The following GALNT13 variants were observed in gnomAD, a reference collection of about 807,000 sequenced individuals.
GALNT13 encodes the protein UDP-GalNAc:polypeptide N-acetylgalactosaminyltransferase 13.
In GALNT13, 28 loss-of-function variants were observed where a neutral mutation model predicts 64.2. That is an observed-to-expected ratio of 0.44 (90% CI 0.32 to 0.60). The LOEUF is 0.60. Ranked by LOEUF, GALNT13 falls within the 20% of genes least tolerant of loss-of-function variation. The pLI is 0.05. For missense variants in GALNT13, 577 were observed against 669.8 expected, an observed-to-expected ratio of 0.86 and a Z score of 1.53; for synonymous variants, 214 against 224.6, an observed-to-expected ratio of 0.95 and a Z score of 0.42.
the GALNT13 span, among the ~76,000 whole-genome samples, chr2:153,738,030 GCT>G: frequency 6.6e-6 from 1 of 151,586 alleles, no homozygotes; most frequent in South Asian, 2.1e-4. Flanking sequence ...TATCTCTCTT[GCT>G]CTGTTTTGTT....
chr2:154,367,288 A>T (rs1309398963), intron 9 of GALNT13, among the ~76,000 whole-genome samples: 1 of 152,138 alleles, frequency 6.6e-6, no homozygotes, highest in Non-Finnish European at 1.5e-5. Context: ...ATGGATGATA[A>T]CTTTGTCAAT....
chr2:154,384,790 T>C (rs1248301820), intron 9 of GALNT13, among the ~76,000 whole-genome samples: 1 of 151,954 alleles, frequency 6.6e-6, no homozygotes, highest in Non-Finnish European at 1.5e-5. Context: ...AAAATCATGA[T>C]TCAGTATTAT....
chr2:154,288,291 A>G (rs1692394291), intron 8 of GALNT13, among the ~76,000 whole-genome samples: 1 of 152,008 alleles, frequency 6.6e-6, no homozygotes, highest in South Asian at 2.1e-4. Flanking sequence ...TCCTCCCACA[A>G]CATGTGGGAA....
intron 11 of GALNT13, chr2:154,435,961 A>G (rs1700947089): frequency 6.6e-6 from 1 of 152,182 alleles, no homozygotes; most frequent in Admixed American, 6.5e-5. Context: ...TCCAGATAAA[A>G]TCAAGAAGGA....
chr2:154,079,358 T>TCAATCTAG (rs1191112554), intron 3 of GALNT13, among the ~76,000 whole-genome samples: 1 of 151,690 alleles, frequency 6.6e-6, no homozygotes, highest in Non-Finnish European at 1.5e-5. Flanking sequence ...AGCTGGCCTT[T>TCAATCTAG]CAATCTAGAC....
chr2:153,315,215 T>C, the GALNT13 span, among the ~76,000 whole-genome samples: 1 of 152,196 alleles, frequency 6.6e-6, no homozygotes, highest in Non-Finnish European at 1.5e-5. Flanking sequence ...CAAAATCTAA[T>C]AGACATGGTG....
At chr2:153,312,258 G>A in the GALNT13 span, among the ~76,000 whole-genome samples, 1 of 152,220 alleles carries the variant, frequency 6.6e-6, no homozygotes, top group Non-Finnish European at 1.5e-5. Flanking sequence ...TGAGAAGAAT[G>A]TAGACTGGGC....
chr2:153,654,489 T>C, the GALNT13 span, among the ~76,000 whole-genome samples: 1 of 152,090 alleles, frequency 6.6e-6, no homozygotes, highest in Admixed American at 6.6e-5. Flanking sequence ...GTATTTATAG[T>C]ATACAAAAAT....
chr2:153,843,687 A>G, the GALNT13 span, among the ~76,000 whole-genome samples: 1 of 152,212 alleles, frequency 6.6e-6, no homozygotes, highest in Non-Finnish European at 1.5e-5. Flanking sequence ...TCTTCCACCT[A>G]TAAGCCTGAA....
At chr2:153,899,757 C>T (rs977001029) in intron 1 of GALNT13, among the ~76,000 whole-genome samples, 12 of 151,942 alleles carry the variant, frequency 7.9e-5, no homozygotes, top group African/African-American at 2.7e-4. Context: ...TGCTTAGTAC[C>T]ATCAAGACCC....
At chr2:154,390,973 A>G (rs1254428782) in intron 9 of GALNT13, among the ~76,000 whole-genome samples, 1 of 152,206 alleles carries the variant, frequency 6.6e-6, no homozygotes, top group Non-Finnish European at 1.5e-5. Context: ...AGTGCCTAGA[A>G]AAGTCCCTTG....
At chr2:154,365,481 C>A (rs748422857) in intron 9 of GALNT13, among the ~76,000 whole-genome samples, 51 of 152,052 alleles carry the variant, frequency 3.4e-4, no homozygotes, top group Non-Finnish European at 6.3e-4. Flanking sequence ...ATAAAAAGTT[C>A]CACAATTTCA....
chr2:153,334,645 G>T, the GALNT13 span, among the ~76,000 whole-genome samples: 13 of 151,928 alleles, frequency 8.6e-5, no homozygotes, highest in African/African-American at 3.1e-4. Context: ...GAATTTAGTT[G>T]CCTTTAAGAT....
At chr2:153,277,927 C>CTTTTTTTTTTTT in the GALNT13 span, among the ~76,000 whole-genome samples, 46 of 80,096 alleles carry the variant, frequency 5.7e-4, 1 homozygote, top group African/African-American at 8.8e-4. Context: ...TCTTTTCTTT[C>CTTTTTTTTTTTT]TTTTTTTTTT....
At chr2:153,096,598 C>G in the GALNT13 span, among the ~76,000 whole-genome samples, 1 of 152,062 alleles carries the variant, frequency 6.6e-6, no homozygotes, top group Non-Finnish European at 1.5e-5. Context: ...GAATTGACTC[C>G]TTTATTAGTG....
chr2:154,395,243 T>G (rs1280191273), intron 9 of GALNT13, among the ~76,000 whole-genome samples: 2 of 152,196 alleles, frequency 1.3e-5, no homozygotes, highest in East Asian at 1.9e-4. Context: ...GTCGTAAAAT[T>G]TTTTATAAAA....
chr2:153,595,873 A>G, the GALNT13 span, among the ~76,000 whole-genome samples: 2 of 152,214 alleles, frequency 1.3e-5, no homozygotes, highest in African/African-American at 4.8e-5. Context: ...TGTACCAAAC[A>G]ATATATTTAG....
At chr2:154,449,221 C>G (rs1701746677) in intron 12 of GALNT13, among the ~76,000 whole-genome samples, 1 of 151,858 alleles carries the variant, frequency 6.6e-6, no homozygotes, top group African/African-American at 2.4e-5. Context: ...TTGCCTTGCT[C>G]TTTTAATTTC....
chr2:153,472,724 T>C, the GALNT13 span, among the ~76,000 whole-genome samples: 2 of 152,146 alleles, frequency 1.3e-5, no homozygotes, highest in Admixed American at 6.5e-5. Flanking sequence ...CTTAAATATA[T>C]TTAGAAAATA....
Sources: allele counts gnomAD v4.1 joint callset (sites outside exome capture counted in the v4.1 genomes callset), GRCh38; gene constraint gnomAD v4.1.1; transcripts MANE v1.5; gene names NCBI Gene and HGNC (gene_info 2026-07-23, HGNC 2026-07-21).